Variants in WDR7 observed in about 807,000 individuals in gnomAD.
WDR7 encodes the protein WD repeat domain 7.
A neutral mutation model predicts 169.4 loss-of-function variants in WDR7; 46 were observed. The ratio of observed to expected loss-of-function variants is 0.27; its 90% CI spans 0.21 to 0.35. The LOEUF is 0.35. WDR7 is among the 10% of genes least tolerant of loss of function. The probability of loss-of-function intolerance (pLI) is 1.00; values close to 1 mark genes in which losing one functional copy is unlikely to be tolerated. For missense variants in WDR7, 1,534 were observed against 1,859.3 expected (o/e 0.83, Z 3.22); for synonymous variants, 612 against 666.8 (o/e 0.92, Z 1.27).
intron 2 of WDR7, 121 bp downstream of exon 2, chr18:56,672,795 C>T (rs2025165069): frequency 1.0e-6 from 1 of 973,824 alleles, no homozygotes; most frequent in Admixed American, 3.4e-5. Flanking sequence ...TGTGTTTTGA[C>T]TAAAACTAGT....
chr18:56,839,330 T>C (rs2045445357), intron 20 of WDR7, among the ~76,000 whole-genome samples: 1 of 152,164 alleles, frequency 6.6e-6, no homozygotes, highest in African/African-American at 2.4e-5. Context: ...GTTGTCAGCA[T>C]ATAGTCAGTC....
Position 56,790,799 on chromosome 18 carries a change from T to C in WDR7, c.3190+9143T>C, listed in dbSNP as rs2044472153. 2.0e-5 allele frequency among the ~76,000 whole-genome samples: 3 copies of C among 152,298 alleles called. No individual in the cohort carries two copies. In the South Asian group the frequency reaches 6.2e-4, roughly 32 times the overall value. On this transcript the variant is annotated intron_variant, in intron 19 of 27. Coordinates refer to ENST00000254442, the MANE Select transcript of WDR7 (RefSeq NM_015285.3). ...TTAATATTTATAAATGGTTTCATCG[T>C]GCATGACATTTGCAGACTTGGTTAA...
At chr18:56,999,606 T>G (rs1408070055) in intron 26 of WDR7, among the ~76,000 whole-genome samples, 1 of 152,148 alleles carries the variant, frequency 6.6e-6, no homozygotes, top group Non-Finnish European at 1.5e-5. Flanking sequence ...TGGTGGGCAC[T>G]TATCAAGGAA....
intron 25 of WDR7, among the ~76,000 whole-genome samples, chr18:56,954,790 A>G (rs1488493619): frequency 6.6e-6 from 1 of 152,228 alleles, no homozygotes; most frequent in East Asian, 1.9e-4. Flanking sequence ...TATAACACAG[A>G]TAAGATTTAA....
intron 20 of WDR7, among the ~76,000 whole-genome samples, chr18:56,833,668 T>C (rs532729890): frequency 6.6e-6 from 1 of 152,236 alleles, no homozygotes; most frequent in African/African-American, 2.4e-5. Context: ...CATATAAAAA[T>C]CTTTTCTTTA....
intron 26 of WDR7, among the ~76,000 whole-genome samples, chr18:56,993,319 A>C (rs929128365): frequency 6.6e-6 from 1 of 152,182 alleles, no homozygotes; most frequent in South Asian, 2.1e-4. Flanking sequence ...TTATCAAAAA[A>C]CAATTTGGCA....
chr18:56,752,039 C>T (rs2043801845), intron 14 of WDR7, among the ~76,000 whole-genome samples: 1 of 152,114 alleles, frequency 6.6e-6, no homozygotes, highest in African/African-American at 2.4e-5. Flanking sequence ...GATCATGTTA[C>T]TCCCCTCATT....
At chr18:56,994,646 G>A (rs1207899795) in intron 26 of WDR7, among the ~76,000 whole-genome samples, 1 of 152,168 alleles carries the variant, frequency 6.6e-6, no homozygotes, top group Admixed American at 6.5e-5. Flanking sequence ...TAATTGAATA[G>A]GTTCTGTGCT....
intron 26 of WDR7, among the ~76,000 whole-genome samples, chr18:56,981,147 C>T (rs1267991884): frequency 1.3e-5 from 2 of 151,986 alleles, no homozygotes; most frequent in East Asian, 3.9e-4. Flanking sequence ...AAGATAAAGC[C>T]TAAAGGTAAA....
chr18:56,948,750 C>T (rs1435047664), intron 25 of WDR7, among the ~76,000 whole-genome samples: 1 of 152,156 alleles, frequency 6.6e-6, no homozygotes, highest in Non-Finnish European at 1.5e-5. Context: ...AAGTGAAGCC[C>T]AGCTTTCCTG....
chr18:56,803,914 A>G (rs2044721900), intron 19 of WDR7, among the ~76,000 whole-genome samples: 1 of 152,086 alleles, frequency 6.6e-6, no homozygotes, highest in African/African-American at 2.4e-5. Context: ...TCCCACCTCA[A>G]CCTTTTCAGT....
intron 22 of WDR7, 85 bp downstream of exon 22, chr18:56,924,193 A>C: frequency 6.9e-7 from 1 of 1,452,430 alleles, no homozygotes; most frequent in South Asian, 1.3e-5. Context: ...CATTCTGTAT[A>C]GATTGTGCAT....
intron 14 of WDR7, among the ~76,000 whole-genome samples, chr18:56,748,185 T>G (rs1362397263): frequency 2.0e-5 from 3 of 152,304 alleles, no homozygotes; most frequent in East Asian, 3.9e-4. Flanking sequence ...GCTTGTGTTA[T>G]CTGTTTGCTG....
intron 20 of WDR7, among the ~76,000 whole-genome samples, chr18:56,844,844 T>C (rs1044080168): frequency 6.6e-6 from 1 of 152,210 alleles, no homozygotes; most frequent in Non-Finnish European, 1.5e-5. Context: ...AGTTCCTCCT[T>C]ATCTGCAGTT....
intron 2 of WDR7, among the ~76,000 whole-genome samples, chr18:56,675,244 CAA>C (rs1013360716): frequency 5.9e-5 from 9 of 152,240 alleles, no homozygotes; most frequent in African/African-American, 2.2e-4. Context: ...TCAATTTCTA[CAA>C]AGAAGTCAGT....
rs554904562 is a variant in WDR7, at chr18:56,814,122, T to C, written c.3191-1909T>C. ...TACGTCTCAATTCTGGTTCCTGAAT[T>C]TAGTAGCCATATTATGTTGAACAAT... On this transcript the variant is annotated intron_variant, in intron 19 of 27. Coordinates refer to ENST00000254442, the MANE Select transcript of WDR7 (RefSeq NM_015285.3). Among the ~76,000 whole-genome samples the C allele has an allele frequency of 2.0e-5, 3 of 152,202 alleles. 1 individual carries two copies. In the South Asian group the frequency reaches 6.2e-4, roughly 32 times the overall value.
At position 56,757,346 on chromosome 18, in the gene WDR7, C is replaced by T. The variant is rs1184416137; in HGVS notation, c.2753C>T (p.Pro918Leu). 6.3e-7 allele frequency: 1 copy of T among 1,596,872 alleles called. No homozygotes were observed. The highest frequency in any genetic ancestry group is 1.1e-5 in the South Asian group (1 of 90,494). Reference protein sequence around the residue: ...TFIGDHMKKGPTRPPRPSTPD... With the variant: ...TFIGDHMKKGLTRPPRPSTPD... ...ATTGGTGATCATATGAAGAAGGGTC[C>T]TACCAGGTGTGACCATGATAGTTTG... is the stretch of plus-strand genomic sequence containing the variant. Residue 918 changes from proline (P) to leucine (L), a missense_variant, in exon 15 of 28, where the codon CCT (proline) becomes CTT (leucine). Coordinates refer to ENST00000254442, the MANE Select transcript of WDR7 (RefSeq NM_015285.3).
intron 21 of WDR7, among the ~76,000 whole-genome samples, chr18:56,886,777 C>A (rs1244026920): frequency 6.6e-6 from 1 of 152,120 alleles, no homozygotes; most frequent in Non-Finnish European, 1.5e-5. Flanking sequence ...AAGCGGATAT[C>A]TTTTTCTACA....
chr18:56,972,056 AG>A (rs566239821), intron 26 of WDR7, among the ~76,000 whole-genome samples: 1 of 152,206 alleles, frequency 6.6e-6, no homozygotes, highest in African/African-American at 2.4e-5. Flanking sequence ...TTTGGGGGAA[AG>A]GGGACTTAGC....
Sources: allele counts gnomAD v4.1 joint callset (sites outside exome capture counted in the v4.1 genomes callset), GRCh38; gene constraint gnomAD v4.1.1; transcripts MANE v1.5; gene names NCBI Gene and HGNC (gene_info 2026-07-23, HGNC 2026-07-21).